CHIT1: variants seen among roughly 807,000 people sequenced by gnomAD.
CHIT1 encodes the protein chitinase 1, also known as chitotriosidase-1.
In CHIT1, 47 loss-of-function variants were observed where a neutral mutation model predicts 52.0. That is an observed-to-expected ratio of 0.90 (90% CI 0.71 to 1.15). CHIT1 has a LOEUF of 1.15. CHIT1 is among the 50% of genes most tolerant of loss of function. The probability of loss-of-function intolerance (pLI) is 0.00; values close to 1 mark genes in which losing one functional copy is unlikely to be tolerated. For synonymous variants in CHIT1, 242 were observed against 228.2 expected, an observed-to-expected ratio of 1.06 and a Z score of -0.54; for missense variants, 569 against 583.0, an observed-to-expected ratio of 0.98 and a Z score of 0.25.
rs1656881427 is a variant in CHIT1, at chr1:203,225,216, A to G, written c.258-112T>C. The G allele has an allele frequency of 1.2e-5, 11 of 953,262 alleles. 1 individual carries two copies. The South Asian group carries it at 1.2e-4, about 10-fold the overall frequency. 59.1% of individuals were successfully genotyped at this position (953,262 alleles called of 1,614,324 possible). On this transcript the variant is annotated intron_variant, in intron 3 of 10. Coordinates refer to ENST00000367229, the MANE Select transcript of CHIT1 (RefSeq NM_003465.3). Reference sequence around the variant, plus strand: ...GGGGTGGGGACGTGTGAAAGTGCCTATGTGCAGAGACTGTATTAGGCATTC... The same window carrying G: ...GGGGTGGGGACGTGTGAAAGTGCCTGTGTGCAGAGACTGTATTAGGCATTC...
chr1:203,229,397 A>C (rs1161789830), intron 1 of CHIT1, among the ~76,000 whole-genome samples: 1 of 152,194 alleles, frequency 6.6e-6, no homozygotes, highest in East Asian at 1.9e-4. Context: ...CCCTTGCAAC[A>C]TGAAGTCTCT....
In CHIT1 at chr1:203,216,334, T is replaced by C. The variant is rs780662076; in HGVS notation, c.*555A>G. ...TCTGAATTCTTAGTGTAATGCTGAG[T>C]GGCTGCTCGCAGAGCGCTTAAATCA... On this transcript the variant is annotated 3_prime_UTR_variant, in exon 11 of 11. Coordinates refer to ENST00000367229, the MANE Select transcript of CHIT1 (RefSeq NM_003465.3). 8 of 453,922 alleles carry C rather than the reference T, an allele frequency of 1.8e-5. No individual in the cohort carries two copies. Among genetic ancestry groups the C allele is most frequent in the Non-Finnish European group, 3.1e-5 (7 of 226,786 alleles). 28.1% of individuals were successfully genotyped at this position (453,922 alleles called of 1,614,324 possible). A position where few individuals can be genotyped will look rare whatever the true frequency, so the allele number is the denominator to read the frequency against.
intron 7 of CHIT1, among the ~76,000 whole-genome samples, chr1:203,220,308 T>C (rs1166543793): frequency 6.6e-6 from 1 of 152,194 alleles, no homozygotes; most frequent in African/African-American, 2.4e-5. Flanking sequence ...ATGTAAAAGG[T>C]CAGCACAACG....
intron 2 of CHIT1, 67 bp from the exon 3 acceptor site, chr1:203,225,937 A>G: frequency 1.3e-6 from 2 of 1,546,676 alleles, no homozygotes; most frequent in Non-Finnish European, 1.8e-6. Flanking sequence ...GTCACCCTCC[A>G]TCTGGGGTAG....
intron 3 of CHIT1, 100 bp from the exon 4 acceptor site, chr1:203,225,204 G>T: frequency 9.2e-7 from 1 of 1,090,316 alleles, no homozygotes; most frequent in African/African-American, 1.5e-5. Flanking sequence ...GTGGGGACGT[G>T]TGAAAGTGCC....
chr1:203,217,595 G>A (rs1263572751), intron 10 of CHIT1, 144 bp downstream of exon 10: 7 of 1,359,296 alleles, frequency 5.1e-6, no homozygotes, highest in Non-Finnish European at 6.1e-6. Flanking sequence ...TAGCTCCTGC[G>A]GGTACATGAA....
chr1:203,224,162 A>G (rs1003024635), intron 4 of CHIT1, among the ~76,000 whole-genome samples: 9 of 152,118 alleles, frequency 5.9e-5, no homozygotes, highest in African/African-American at 1.7e-4. Context: ...TAACCTGGTC[A>G]TCTTTCTTTT....
intron 4 of CHIT1, 30 bp downstream of exon 4, chr1:203,225,018 T>TTACCACACAGG: frequency 1.2e-6 from 2 of 1,607,674 alleles, no homozygotes; most frequent in Non-Finnish European, 1.7e-6. Context: ...TCCAGGAGCT[T>TTACCACACAGG]TACCACACAG....
chr1:203,220,660 C>G (rs1656701488), intron 7 of CHIT1, among the ~76,000 whole-genome samples: 1 of 152,232 alleles, frequency 6.6e-6, no homozygotes, highest in Admixed American at 6.5e-5. Context: ...TCTAGTTACT[C>G]TGAGCCCACT....
In CHIT1 at chr1:203,219,678, G is replaced by T; in HGVS notation, c.901C>A (p.Leu301Met). The change falls in exon 8 of 11, where the codon CTG (leucine) becomes ATG (methionine). Residue 301 changes from leucine (L) to methionine (M), a missense_variant. Coordinates refer to ENST00000367229, the MANE Select transcript of CHIT1 (RefSeq NM_003465.3). ...PGPFTKEGGMLAYYEVCSWKG... is the reference protein window; with the variant it reads ...PGPFTKEGGMMAYYEVCSWKG... ...GGTTTTCCTACTTCATAGTAGGCCA[G>T]CATCCCTCCTTCCTTGGTGAAGGGG... 6.2e-7 allele frequency: 1 copy of T among 1,614,156 alleles called. No homozygotes were observed. The highest frequency in any genetic ancestry group is 8.5e-7 in the Non-Finnish European group (1 of 1,180,004).
In CHIT1 at chr1:203,216,280, T is replaced by G. The variant is rs1260107441; in HGVS notation, c.*609A>C. 1 of 453,926 alleles carries G rather than the reference T, an allele frequency of 2.2e-6. No homozygotes were observed. Among genetic ancestry groups the G allele is most frequent in the Non-Finnish European group, 4.4e-6 (1 of 226,786 alleles). The allele number at this position is 453,926 out of a possible 1,614,324, so 28.1% of individuals were successfully genotyped here. On this transcript the variant is annotated 3_prime_UTR_variant, in exon 11 of 11. Coordinates refer to ENST00000367229, the MANE Select transcript of CHIT1 (RefSeq NM_003465.3). ...GGCCTGCAAAGGGCCCAAACAGGAT[T>G]TATCTCGAAGACCCCTGAGTACCAG...
intron 4 of CHIT1, among the ~76,000 whole-genome samples, chr1:203,224,031 T>C (rs1343990324): frequency 1.3e-5 from 2 of 152,216 alleles, no homozygotes; most frequent in Non-Finnish European, 2.9e-5. Flanking sequence ...AATTAGTTTC[T>C]CTAATTCCTC....
intron 2 of CHIT1, among the ~76,000 whole-genome samples, chr1:203,227,931 CTG>C (rs1223598819): frequency 6.6e-6 from 1 of 152,192 alleles, no homozygotes; most frequent in African/African-American, 2.4e-5. Flanking sequence ...TCCCAGGCCA[CTG>C]ATGCCCAGGG....
intron 7 of CHIT1, 40 bp from the exon 8 acceptor site, chr1:203,219,889 C>T: frequency 6.2e-7 from 1 of 1,607,904 alleles, no homozygotes; most frequent in Non-Finnish European, 8.5e-7. Flanking sequence ...CAGCCCTCAG[C>T]CTGGTTCTGA....
chr1:203,219,564 A>C (rs2486958), intron 8 of CHIT1, 100 bp downstream of exon 8: 736,301 of 1,376,092 alleles, frequency 0.54, 204,971 homozygotes, highest in East Asian at 0.95. Flanking sequence ...ATTCTCTGCA[A>C]TTGGCATCCT....
chr1:203,221,218 G>A (rs1656718712), intron 7 of CHIT1, among the ~76,000 whole-genome samples: 3 of 152,090 alleles, frequency 2.0e-5, no homozygotes, highest in Admixed American at 1.3e-4. Context: ...TTTAATTTAG[G>A]GCTTTTTCTT....
Position 203,216,997 on chromosome 1 carries a change from A to C in CHIT1, c.1293T>G (p.Pro431=), listed in dbSNP as rs766349681. ...AGCTGTAGAAGCTGGACCGTTCCCG[A>C]GGATTGGGATAGAGCCCATCAGCTT... ...QGKADGLYPN[P]RERSSFYSCA... The change falls in exon 11 of 11, where the codon CCT becomes CCG. Residue 431 remains proline, a synonymous_variant. Transcript: ENST00000367229. The C allele has an allele frequency of 6.2e-7, 1 of 1,614,054 alleles. No homozygotes were observed. The highest frequency in any genetic ancestry group is 1.3e-5 in the African/African-American group (1 of 74,938).
chr1:203,225,008 T>A lies in CHIT1; in HGVS notation c.314+40A>T, dbSNP rs770448274. The A allele has an allele frequency of 3.1e-6, 5 of 1,590,212 alleles. No homozygotes were observed. In the South Asian group the frequency reaches 4.4e-5, roughly 14 times the overall value. ...CTCTGGCCAGTGCACCAGGTTCCCA[T>A]CCAGGAGCTTTACCACACAGGTGAC... On this transcript the variant is annotated intron_variant, in intron 4 of 10. Coordinates refer to ENST00000367229, the MANE Select transcript of CHIT1 (RefSeq NM_003465.3).
At chr1:203,217,169 C>G in intron 10 of CHIT1, 36 bp from the exon 11 acceptor site, 1 of 1,599,398 alleles carries the variant, frequency 6.3e-7, no homozygotes, top group Non-Finnish European at 8.5e-7. Context: ...AAGGCTCCCC[C>G]GAAGAGATCC....
Sources: allele counts gnomAD v4.1 joint callset (sites outside exome capture counted in the v4.1 genomes callset), GRCh38; gene constraint gnomAD v4.1.1; transcripts MANE v1.5; gene names NCBI Gene and HGNC (gene_info 2026-07-23, HGNC 2026-07-21).